KDM3B: variants seen among roughly 807,000 people sequenced by gnomAD.
KDM3B encodes lysine demethylase 3B, also known as lysine-specific demethylase 3B.
KDM3B carries 10 observed loss-of-function variants against 170.0 expected under a neutral mutation model. The observed-to-expected ratio is 0.06, with a 90% CI of 0.04 to 0.10. KDM3B has a LOEUF of 0.10. Ranked by LOEUF, KDM3B falls within the 10% of genes least tolerant of loss-of-function variation. KDM3B has a pLI of 1.00. For synonymous variants in KDM3B, 831 were observed against 834.8 expected, an observed-to-expected ratio of 1.00 and a Z score of 0.08; for missense variants, 1,394 against 2,195.2, an observed-to-expected ratio of 0.64 and a Z score of 7.29.
In KDM3B at chr5:138,392,102, T is replaced by C. The variant is rs1486033394; in HGVS notation, c.2470T>C (p.Ser824Pro). The change falls in exon 8 of 24, where the codon TCT (serine) becomes CCT (proline). Residue 824 changes from serine to proline, a missense_variant. Physicochemically the swap from Ser to Pro is moderately conservative, Grantham distance 74. This residue lies in a region of KDM3B where 84 missense variants were observed against 135.8 expected (regional missense o/e 0.62). Coordinates refer to ENST00000314358, the MANE Select transcript of KDM3B (RefSeq NM_016604.4). ...CAGTGACCTGTCAGATTTGAGTGAC[T>C]CTGAGGAGCAGCTGCAGGCTAAGAC... ...TNSDLSDLSD[S>P]EEQLQAKTGL... The C allele has an allele frequency of 6.2e-7, 1 of 1,609,886 alleles. No individual in the cohort carries two copies. Among genetic ancestry groups the C allele is most frequent in the Admixed American group, 1.7e-5 (1 of 59,936 alleles).
intron 2 of KDM3B, among the ~76,000 whole-genome samples, chr5:138,373,396 G>A (rs540179189): frequency 1.7e-4 from 26 of 152,174 alleles, no homozygotes; most frequent in Admixed American, 1.6e-3. Context: ...TTTTCTCAGA[G>A]CAAGGTTTTG....
intron 1 of KDM3B, among the ~76,000 whole-genome samples, chr5:138,356,357 G>A (rs911891890): frequency 3.9e-5 from 6 of 152,064 alleles, no homozygotes; most frequent in African/African-American, 1.4e-4. Flanking sequence ...AGTACTCAGG[G>A]TGCTTGTTTC....
chr5:138,386,528 C>T lies in KDM3B; in HGVS notation c.1287C>T (p.Ser429=). The T allele has an allele frequency of 6.2e-7, 1 of 1,614,204 alleles. No homozygotes were observed. Among genetic ancestry groups the T allele is most frequent in the Non-Finnish European group, 8.5e-7 (1 of 1,180,022 alleles). ...CAGCTGTGGTCACTACCGCCAGCTC[C>T]ACCCCAAACACAGTGAGGATCTCAG... The part of the protein sequence containing the change: ...ASAAVVTTAS[S]TPNTVRISDT... The change falls in exon 7 of 24, where the codon TCC becomes TCT. Residue 429 remains serine (S), a synonymous_variant. Coordinates refer to ENST00000314358, the MANE Select transcript of KDM3B (RefSeq NM_016604.4).
intron 4 of KDM3B, 132 bp downstream of exon 4, chr5:138,377,957 C>T: frequency 2.3e-6 from 1 of 434,632 alleles, no homozygotes; most frequent in Non-Finnish European, 4.0e-6. Flanking sequence ...TCAGATGCCA[C>T]ATGAAAGATA....
chr5:138,363,737 G>C (rs950316516), intron 1 of KDM3B, among the ~76,000 whole-genome samples: 1 of 151,914 alleles, frequency 6.6e-6, no homozygotes, highest in Non-Finnish European at 1.5e-5. Flanking sequence ...TAGTAGAGAC[G>C]GGGTTTCACC....
At chr5:138,419,652 C>CAA (rs1170205178) in intron 14 of KDM3B, among the ~76,000 whole-genome samples, 9,167 of 46,842 alleles carry the variant, frequency 0.2, 1,145 homozygotes, top group East Asian at 0.61. Context: ...GACTCTGTCT[C>CAA]AAAAAAAAAA....
At chr5:138,405,299 C>T (rs1168256076) in intron 11 of KDM3B, among the ~76,000 whole-genome samples, 1 of 151,756 alleles carries the variant, frequency 6.6e-6, no homozygotes, top group Non-Finnish European at 1.5e-5. Context: ...CCCCAGCCTC[C>T]CAAAGTGCTG....
At chr5:138,398,667 C>T (rs898548308) in intron 10 of KDM3B, among the ~76,000 whole-genome samples, 1 of 152,046 alleles carries the variant, frequency 6.6e-6, no homozygotes, top group Non-Finnish European at 1.5e-5. Context: ...TTTAAATTCC[C>T]ATTTGGGTTT....
At chr5:138,363,619 TC>T (rs1359193233) in intron 1 of KDM3B, among the ~76,000 whole-genome samples, 1 of 152,128 alleles carries the variant, frequency 6.6e-6, no homozygotes, top group East Asian at 1.9e-4. Context: ...TGATCTCGGC[TC>T]ACTGCATCCT....
At position 138,352,882 on chromosome 5, in the gene KDM3B, C is replaced by CGCGGCGGCA; in HGVS notation, c.94_102dup (p.Ala32_Ala34dup). 1 of 1,377,206 alleles carries CGCGGCGGCA rather than the reference C, an allele frequency of 7.3e-7. No individual in the cohort carries two copies. The highest frequency in any genetic ancestry group is 2.9e-5 in the Admixed American group (1 of 34,516). The allele number at this position is 1,377,206 out of a possible 1,614,324, so 85.3% of individuals were successfully genotyped here. On this transcript the variant is annotated inframe_insertion, in exon 1 of 24. Coordinates refer to ENST00000314358, the MANE Select transcript of KDM3B (RefSeq NM_016604.4). ...CGGCCTCAGCCTCGGCCTCGGCTCC[C>CGCGGCGGCA]GCGGCGGCAGCGGCGAGCGGAGATC... is the stretch of plus-strand genomic sequence containing the variant.
intron 3 of KDM3B, among the ~76,000 whole-genome samples, 184 bp downstream of exon 3, chr5:138,375,390 T>A (rs137990186): frequency 1.6e-3 from 246 of 152,056 alleles, no homozygotes; most frequent in Middle Eastern, 3.4e-3. Flanking sequence ...TTATTTATTT[T>A]TTTTTGAGAC....
intron 7 of KDM3B, 40 bp downstream of exon 7, chr5:138,386,661 A>G: frequency 1.9e-6 from 3 of 1,581,104 alleles, no homozygotes; most frequent in South Asian, 2.3e-5. Flanking sequence ...ATTTGGGTTT[A>G]CTCTTTCGCC....
intron 16 of KDM3B, 84 bp from the exon 17 acceptor site, chr5:138,425,327 C>A: frequency 1.5e-6 from 2 of 1,304,350 alleles, no homozygotes; most frequent in Non-Finnish European, 2.1e-6. Context: ...AGGCCCTCCT[C>A]AGGAAACCCT....
At chr5:138,358,553 G>A (rs1413157274) in intron 1 of KDM3B, among the ~76,000 whole-genome samples, 3 of 150,206 alleles carry the variant, frequency 2.0e-5, no homozygotes, top group East Asian at 3.9e-4. Flanking sequence ...TGATCCACCC[G>A]CCTTGGCCTC....
rs1303337780 is a variant in KDM3B, at chr5:138,377,754, A to G, written c.509A>G (p.Glu170Gly). 1.2e-6 allele frequency: 2 copies of G among 1,613,814 alleles called. No individual in the cohort carries two copies. Among genetic ancestry groups the G allele is most frequent in the Non-Finnish European group, 1.7e-6 (2 of 1,179,892 alleles). Residue 170 changes from glutamate to glycine, a missense_variant, in exon 4 of 24, where the codon GAA becomes GGA. By Grantham distance (98) the Glu-to-Gly change is moderately conservative. This residue lies in a region of KDM3B where 166 missense variants were observed against 216.4 expected (regional missense o/e 0.77). Transcript: ENST00000314358. ...GTDSQNQILLEHAALRETVNA... is the reference protein window; with the variant it reads ...GTDSQNQILLGHAALRETVNA... ...GATAGCCAAAACCAGATTCTTTTGGAACATGCTGCACTGAGAGAAACAGTT... is the reference window on the plus strand; with the variant it reads ...GATAGCCAAAACCAGATTCTTTTGGGACATGCTGCACTGAGAGAAACAGTT...
At chr5:138,376,844 T>TA (rs757396974) in intron 3 of KDM3B, among the ~76,000 whole-genome samples, 4 of 152,210 alleles carry the variant, frequency 2.6e-5, no homozygotes, top group Non-Finnish European at 4.4e-5. Flanking sequence ...GTATCATAGT[T>TA]ACAAAGAAAA....
intron 11 of KDM3B, among the ~76,000 whole-genome samples, chr5:138,400,816 C>G (rs1345599759): frequency 3.9e-5 from 6 of 152,066 alleles, no homozygotes; most frequent in African/African-American, 1.4e-4. Flanking sequence ...CACCCCACAC[C>G]CCACCTGACA....
intron 10 of KDM3B, among the ~76,000 whole-genome samples, chr5:138,399,543 A>T (rs115827725): frequency 3.7e-4 from 56 of 151,682 alleles, no homozygotes; most frequent in South Asian, 8.3e-4. Flanking sequence ...ATCTCAAAAA[A>T]ATATATATAT....
rs951794474 is a variant in KDM3B at position 138,375,279 on chromosome 5, G to A, written c.474+73G>A. The A allele has an allele frequency of 2.2e-5, 20 of 888,932 alleles. No homozygotes were observed. In the African/African-American group the frequency reaches 3.1e-4, roughly 14 times the overall value. The allele number at this position is 888,932 out of a possible 1,614,324, so 55.1% of individuals were successfully genotyped here. ...TAATTTCTTTGTTGATATAAACATA[G>A]GTGTTTCTCCTTTTACTGGGTGGGA... On this transcript the variant is annotated intron_variant, in intron 3 of 23. Coordinates refer to ENST00000314358, the MANE Select transcript of KDM3B (RefSeq NM_016604.4).
Sources: allele counts gnomAD v4.1 joint callset (sites outside exome capture counted in the v4.1 genomes callset), GRCh38; gene constraint gnomAD v4.1.1; regional missense constraint gnomAD v4.1.1; transcripts MANE v1.5; gene names NCBI Gene and HGNC (gene_info 2026-07-23, HGNC 2026-07-21).